PXDNL: variants seen among roughly 807,000 people sequenced by gnomAD.
PXDNL encodes the protein peroxidasin like, also known as probable oxidoreductase PXDNL.
A neutral mutation model predicts 150.8 loss-of-function variants in PXDNL; 145 were observed. The ratio of observed to expected loss-of-function variants is 0.96; its 90% CI spans 0.84 to 1.10. The LOEUF (loss-of-function observed/expected upper bound fraction) is 1.10, where lower values mean the gene tolerates loss of function less well. Ranked by LOEUF, PXDNL falls within the 50% of genes least tolerant of loss-of-function variation. PXDNL has a pLI of 0.00. For synonymous variants in PXDNL, 757 were observed against 725.7 expected, an observed-to-expected ratio of 1.04 and a Z score of -0.69; for missense variants, 2,087 against 1,873.9, an observed-to-expected ratio of 1.11 and a Z score of -2.10.
intron 2 of PXDNL, among the ~76,000 whole-genome samples, chr8:51,650,482 G>T (rs1485671424): frequency 6.6e-6 from 1 of 152,194 alleles, no homozygotes; most frequent in East Asian, 1.9e-4. Context: ...ATGAGGAAGA[G>T]AAATTTATTA....
intron 1 of PXDNL, among the ~76,000 whole-genome samples, chr8:51,755,057 A>G (rs1165907178): frequency 6.6e-6 from 1 of 152,166 alleles, no homozygotes; most frequent in Non-Finnish European, 1.5e-5. Context: ...TTACTAGAGA[A>G]TACAAGAGAG....
At chr8:51,760,905 C>G (rs1333130817) in intron 1 of PXDNL, among the ~76,000 whole-genome samples, 2 of 117,652 alleles carry the variant, frequency 1.7e-5, no homozygotes, top group Non-Finnish European at 3.3e-5. Context: ...GTCGCCCAGG[C>G]TGGAGTGCAG....
chr8:51,436,380 C>T (rs577274692), intron 12 of PXDNL: 2 of 428,114 alleles, frequency 4.7e-6, no homozygotes, highest in African/African-American at 2.1e-5. Context: ...ATTCTCACTA[C>T]CAGGCACCAA....
chr8:51,704,320 C>A (rs1229549487), intron 1 of PXDNL, among the ~76,000 whole-genome samples: 1 of 152,112 alleles, frequency 6.6e-6, no homozygotes, highest in African/African-American at 2.4e-5. Flanking sequence ...AGTAGCAGTT[C>A]ATTTATTTTT....
chr8:51,783,216 G>A (rs2037431744), intron 1 of PXDNL, among the ~76,000 whole-genome samples: 1 of 152,186 alleles, frequency 6.6e-6, no homozygotes, highest in Non-Finnish European at 1.5e-5. Context: ...CTTGAAACCA[G>A]CTGGCATCAC....
At chr8:51,473,274 A>AACACACACACACACACAC (rs1164131411) in intron 7 of PXDNL, among the ~76,000 whole-genome samples, 7,796 of 133,858 alleles carry the variant, frequency 0.058, 324 homozygotes, top group Non-Finnish European at 0.081. Context: ...GTAGAAAATA[A>AACACACACACACACACAC]ACACACACAC....
intron 4 of PXDNL, among the ~76,000 whole-genome samples, chr8:51,510,243 A>G (rs1448073387): frequency 7.9e-5 from 12 of 152,184 alleles, no homozygotes; most frequent in Non-Finnish European, 1.8e-4. Context: ...ACCATGGTCA[A>G]GTTTTAGTTT....
chr8:51,796,087 G>A (rs1275475156), intron 1 of PXDNL, among the ~76,000 whole-genome samples: 3 of 151,968 alleles, frequency 2.0e-5, no homozygotes, highest in East Asian at 1.9e-4. Flanking sequence ...CAAATTTCTC[G>A]GCCTTCCAAG....
intron 17 of PXDNL, among the ~76,000 whole-genome samples, chr8:51,397,021 C>T (rs1808103382): frequency 6.6e-6 from 1 of 152,178 alleles, no homozygotes; most frequent in African/African-American, 2.4e-5. Flanking sequence ...CTGTGGTCTT[C>T]ACACGTCTGT....
intron 1 of PXDNL, among the ~76,000 whole-genome samples, chr8:51,712,139 A>G (rs1036019832): frequency 5.9e-5 from 9 of 152,140 alleles, no homozygotes; most frequent in Non-Finnish European, 1.0e-4. Context: ...CTGGCATGTC[A>G]TTGTCTGGGT....
At position 51,426,726 on chromosome 8, in the gene PXDNL, T is replaced by C; in HGVS notation, c.1558A>G (p.Thr520Ala). The change falls in exon 13 of 23, where the codon ACA becomes GCA. Residue 520 changes from threonine to alanine, a missense_variant. Thr to Ala is a moderately conservative substitution (Grantham distance 58). Coordinates refer to ENST00000356297, the MANE Select transcript of PXDNL (RefSeq NM_144651.5). ...LAVFTQLPQD[T>A]SVEVGKNINI... is the part of the protein sequence containing the mutation. ...ATATTCTTTCCAACCTCGACACTTG[T>C]ATCCTGAGGAAGTTGAGTAAACACT... The C allele has an allele frequency of 5.0e-6, 8 of 1,604,350 alleles. No homozygotes were observed. The highest frequency in any genetic ancestry group is 6.8e-6 in the Non-Finnish European group (8 of 1,174,308).
chr8:51,550,554 C>T (rs976475353), intron 4 of PXDNL, among the ~76,000 whole-genome samples: 1 of 151,984 alleles, frequency 6.6e-6, no homozygotes, highest in African/African-American at 2.4e-5. Context: ...ATGTGATACA[C>T]CACATAAACA....
chr8:51,636,025 A>C (rs1814596374), intron 2 of PXDNL, among the ~76,000 whole-genome samples: 2 of 152,138 alleles, frequency 1.3e-5, no homozygotes. Context: ...GATTTAACCT[A>C]AGAATGCAAG....
intron 17 of PXDNL, among the ~76,000 whole-genome samples, chr8:51,396,140 T>C (rs1345773094): frequency 2.6e-5 from 4 of 152,174 alleles, no homozygotes; most frequent in Non-Finnish European, 5.9e-5. Flanking sequence ...AGTCCACCTA[T>C]GCCTGCGAGA....
intron 12 of PXDNL, among the ~76,000 whole-genome samples, chr8:51,440,449 AAATAAT>A (rs61250893): frequency 2.0e-5 from 3 of 150,836 alleles, no homozygotes; most frequent in East Asian, 3.9e-4. Context: ...ATCCATTGAA[AAATAAT>A]AATAATAATA....
At chr8:51,492,746 C>A (rs953066982) in intron 5 of PXDNL, among the ~76,000 whole-genome samples, 11 of 152,280 alleles carry the variant, frequency 7.2e-5, no homozygotes, top group Admixed American at 1.3e-4. Flanking sequence ...GGGGCGCCTG[C>A]GATTGCCCAG....
At chr8:51,802,545 T>A (rs548716524) in intron 1 of PXDNL, among the ~76,000 whole-genome samples, 1 of 152,338 alleles carries the variant, frequency 6.6e-6, no homozygotes, top group African/African-American at 2.4e-5. Context: ...ACAATTCTTC[T>A]TCCAGTGTGG....
intron 2 of PXDNL, among the ~76,000 whole-genome samples, chr8:51,622,822 G>A (rs1814284249): frequency 6.6e-6 from 1 of 152,148 alleles, no homozygotes; most frequent in South Asian, 2.1e-4. Flanking sequence ...CCTACCCTGG[G>A]CCCACTCTGG....
At chr8:51,608,988 C>T (rs146601928) in intron 2 of PXDNL, among the ~76,000 whole-genome samples, 253 of 152,150 alleles carry the variant, frequency 1.7e-3, no homozygotes, top group Middle Eastern at 3.4e-3. Context: ...TATCCCAGTC[C>T]TCTCCCAACT....
Sources: gnomAD v4.1 joint callset for allele counts (sites outside exome capture counted in the v4.1 genomes callset) on GRCh38, gnomAD v4.1.1 for gene constraint, MANE v1.5 for transcripts, NCBI Gene and HGNC (gene_info 2026-07-23, HGNC 2026-07-21) for gene names.